TMEM178B: variants seen among roughly 807,000 people sequenced by gnomAD.
The protein encoded by TMEM178B is transmembrane protein 178B.
In TMEM178B, 5 loss-of-function variants were observed where a neutral mutation model predicts 31.0. The observed-to-expected ratio is 0.16, with a 90% CI of 0.08 to 0.34. The LOEUF (loss-of-function observed/expected upper bound fraction) is 0.34, where lower values mean the gene tolerates loss of function less well. Ranked by LOEUF, TMEM178B falls within the 10% of genes least tolerant of loss-of-function variation. The pLI, the probability that TMEM178B is intolerant of heterozygous loss-of-function variation, is 1.00. For missense variants in TMEM178B, 275 were observed against 400.3 expected, an observed-to-expected ratio of 0.69 and a Z score of 2.67; for synonymous variants, 164 against 164.0, an observed-to-expected ratio of 1.00 and a Z score of 0.00.
At chr7:141,417,215 C>T (rs1801114822) in intron 2 of TMEM178B, among the ~76,000 whole-genome samples, 1 of 152,134 alleles carries the variant, frequency 6.6e-6, no homozygotes, top group African/African-American at 2.4e-5. Context: ...TAGATGGATT[C>T]CTTCATCCCA....
intron 3 of TMEM178B, among the ~76,000 whole-genome samples, chr7:141,443,198 G>A (rs1801693166): frequency 6.6e-6 from 1 of 152,144 alleles, no homozygotes; most frequent in South Asian, 2.1e-4. Flanking sequence ...AGTATCCTCT[G>A]CCACTGTATC....
chr7:141,272,896 T>C (rs1798207905), intron 2 of TMEM178B, among the ~76,000 whole-genome samples: 2 of 152,216 alleles, frequency 1.3e-5, no homozygotes, highest in South Asian at 4.1e-4. Flanking sequence ...CTGAAATTAG[T>C]CTGTCAAAGA....
intron 2 of TMEM178B, chr7:141,297,236 T>G (rs1422570770): frequency 6.6e-6 from 1 of 152,222 alleles, no homozygotes; most frequent in Middle Eastern, 3.2e-3. Context: ...AGACTCTTTC[T>G]TTAAAGTAGA....
intron 3 of TMEM178B, among the ~76,000 whole-genome samples, chr7:141,469,156 C>G (rs1280015323): frequency 6.6e-6 from 1 of 152,216 alleles, no homozygotes; most frequent in Non-Finnish European, 1.5e-5. Flanking sequence ...GTCTGCAGCT[C>G]AATTTTACAG....
chr7:141,224,038 A>G (rs1227577756), intron 2 of TMEM178B, among the ~76,000 whole-genome samples: 1 of 152,166 alleles, frequency 6.6e-6, no homozygotes, highest in African/African-American at 2.4e-5. Flanking sequence ...GGTTTCCCCC[A>G]TAATGTTCTC....
intron 1 of TMEM178B, among the ~76,000 whole-genome samples, chr7:141,160,226 T>C (rs1796146510): frequency 1.3e-5 from 2 of 151,970 alleles, no homozygotes; most frequent in South Asian, 4.1e-4. Flanking sequence ...TTTCCCTGAG[T>C]CCTCAAAGGC....
chr7:141,290,611 G>A (rs73169506), intron 2 of TMEM178B, among the ~76,000 whole-genome samples: 6,047 of 152,126 alleles, frequency 0.04, 309 homozygotes, highest in East Asian at 0.16. Context: ...ACACACACGC[G>A]CGTGCTTTAA....
intron 2 of TMEM178B, among the ~76,000 whole-genome samples, chr7:141,216,448 T>TGTGTGTGTGC (rs1415593747): frequency 0.015 from 2,010 of 135,912 alleles, 107 homozygotes; most frequent in African/African-American, 0.055. Flanking sequence ...TGTGTGTGTG[T>TGTGTGTGTGC]GCGCGCGCGC....
At chr7:141,423,975 ATT>A (rs35143389) in intron 2 of TMEM178B, among the ~76,000 whole-genome samples, 3 of 143,056 alleles carry the variant, frequency 2.1e-5, no homozygotes, top group Admixed American at 7.0e-5. Context: ...TGCCCAGCTA[ATT>A]TTTTTTTTTT....
intron 1 of TMEM178B, among the ~76,000 whole-genome samples, chr7:141,077,214 A>G (rs1357080768): frequency 6.6e-6 from 1 of 152,234 alleles, no homozygotes; most frequent in African/African-American, 2.4e-5. Flanking sequence ...TTTATCTCAC[A>G]TTATTCATTA....
intron 2 of TMEM178B, among the ~76,000 whole-genome samples, chr7:141,343,493 G>A (rs1434715624): frequency 6.6e-6 from 1 of 150,554 alleles, no homozygotes; most frequent in Non-Finnish European, 1.5e-5. Flanking sequence ...TTCAGAATCA[G>A]GCTCTTATAG....
intron 3 of TMEM178B, among the ~76,000 whole-genome samples, chr7:141,452,125 T>A (rs1801876223): frequency 6.6e-6 from 1 of 152,242 alleles, no homozygotes; most frequent in African/African-American, 2.4e-5. Context: ...TGTCCGCTTG[T>A]CAACAACACC....
intron 2 of TMEM178B, among the ~76,000 whole-genome samples, chr7:141,385,886 G>T (rs973628839): frequency 1.2e-4 from 18 of 152,222 alleles, no homozygotes; most frequent in African/African-American, 4.1e-4. Context: ...CTTTAAAAAT[G>T]ATTCCAGCTG....
At chr7:141,354,989 T>G (rs1028422460) in intron 2 of TMEM178B, among the ~76,000 whole-genome samples, 2 of 152,220 alleles carry the variant, frequency 1.3e-5, no homozygotes, top group Admixed American at 1.3e-4. Flanking sequence ...ATTTTTATTT[T>G]TGTTTTGCTT....
At chr7:141,233,907 C>CA (rs1186316723) in intron 2 of TMEM178B, among the ~76,000 whole-genome samples, 1 of 152,120 alleles carries the variant, frequency 6.6e-6, no homozygotes, top group African/African-American at 2.4e-5. Context: ...AGTGGGCTTG[C>CA]AAAAATGCAG....
At chr7:141,285,525 C>G (rs888416785) in intron 2 of TMEM178B, among the ~76,000 whole-genome samples, 1 of 152,032 alleles carries the variant, frequency 6.6e-6, no homozygotes, top group African/African-American at 2.4e-5. Flanking sequence ...TATTGTAATG[C>G]ATATTTTCCT....
At chr7:141,463,537 C>T (rs886185328) in intron 3 of TMEM178B, among the ~76,000 whole-genome samples, 1 of 152,254 alleles carries the variant, frequency 6.6e-6, no homozygotes. Context: ...GGTTGGGAGT[C>T]TCTTCTACTT....
rs1563107877 is a variant in TMEM178B at position 141,174,635 on chromosome 7, C to G, written c.383-37956C>G. Among the ~76,000 whole-genome samples, 3 of 152,138 alleles carry G rather than the reference C, an allele frequency of 2.0e-5. No homozygotes were observed. The South Asian group carries it at 6.2e-4, about 32-fold the overall frequency. On this transcript the variant is annotated intron_variant, in intron 1 of 3. Coordinates refer to ENST00000565468, the MANE Select transcript of TMEM178B (RefSeq NM_001195278.2). ...CCCTCCAGCATCTGTTGTTTCCTGA[C>G]TTTTTAATGATCACCATTCTAACTG...
Position 141,477,829 on chromosome 7 carries a change from G to A in TMEM178B, c.*7043G>A, listed in dbSNP as rs868101582. 2 of 152,152 alleles carry A rather than the reference G, an allele frequency of 1.3e-5. No individual in the cohort carries two copies. The highest frequency in any genetic ancestry group is 2.9e-5 in the Non-Finnish European group (2 of 68,044). The allele number at this position is 152,152 out of a possible 1,614,324, so 9.4% of individuals were successfully genotyped here. ...TCTGCTACTCCTGGCCTCTGCTTTC[G>A]CCCCTCAGAAAGTGACCTTGAGCTA... is the stretch of plus-strand genomic sequence containing the variant. On this transcript the variant is annotated 3_prime_UTR_variant, in exon 4 of 4. Transcript: ENST00000565468.
Sources: gnomAD v4.1 joint callset for allele counts (sites outside exome capture counted in the v4.1 genomes callset) on GRCh38, gnomAD v4.1.1 for gene constraint, MANE v1.5 for transcripts, NCBI Gene and HGNC (gene_info 2026-07-23, HGNC 2026-07-21) for gene names.